Variants in USP47 observed in about 807,000 individuals in gnomAD.
The protein encoded by USP47 is ubiquitin specific peptidase 47.
A neutral mutation model predicts 165.1 loss-of-function variants in USP47; 35 were observed. The observed-to-expected ratio is 0.21, with a 90% CI of 0.16 to 0.28. USP47 has a LOEUF of 0.28. Ranked by LOEUF, USP47 falls within the 10% of genes least tolerant of loss-of-function variation. The pLI is 1.00. For synonymous variants in USP47, 531 were observed against 544.5 expected, an observed-to-expected ratio of 0.98 and a Z score of 0.35; for missense variants, 1,277 against 1,607.4, an observed-to-expected ratio of 0.79 and a Z score of 3.52.
intron 6 of USP47, 38 bp from the exon 7 acceptor site, chr11:11,903,225 T>C: frequency 1.3e-6 from 2 of 1,580,704 alleles, no homozygotes; most frequent in Non-Finnish European, 1.7e-6. Context: ...TTACATAAAG[T>C]TTATAGCTAT....
chr11:11,909,699 A>G (rs1852824716), intron 8 of USP47, among the ~76,000 whole-genome samples: 1 of 152,292 alleles, frequency 6.6e-6, no homozygotes. Context: ...CCTGTTTATT[A>G]TGACAAAAAC....
Position 11,877,832 on chromosome 11 carries a change from TGTGTGTGTGTGTGTGTGTGTGTGTGTGC to T in USP47, c.40-2343_40-2316del, listed in dbSNP as rs1376776487. Among the ~76,000 whole-genome samples the T allele has an allele frequency of 5.5e-4, 49 of 88,502 alleles. 1 individual carries two copies. The highest frequency in any genetic ancestry group is 1.2e-3 in the Admixed American group (9 of 7,716). The allele number at this position is 88,502 out of a possible 152,430, so 58.1% of individuals were successfully genotyped here. A position where few individuals can be genotyped will look rare whatever the true frequency, so the allele number is the denominator to read the frequency against. On this transcript the variant is annotated intron_variant, in intron 1 of 27. Coordinates refer to ENST00000527733, the MANE Select transcript of USP47 (RefSeq NM_001282659.2). ...GTGTGTGTGTGTGTGTGTGTGTGTG[TGTGTGTGTGTGTGTGTGTGTGTGTGTGC>T]GCGCGCGCAGATAAGATATTTGGAA...
At chr11:11,891,227 T>C (rs1851491020) in intron 3 of USP47, among the ~76,000 whole-genome samples, 1 of 152,248 alleles carries the variant, frequency 6.6e-6, no homozygotes, top group African/African-American at 2.4e-5. Flanking sequence ...CCTCACTCTT[T>C]TACAGGCTGA....
chr11:11,942,777 A>C lies in USP47; in HGVS notation c.2756A>C (p.Gln919Pro), dbSNP rs2134789005. 1.2e-6 allele frequency: 2 copies of C among 1,613,618 alleles called. No individual in the cohort carries two copies. The highest frequency in any genetic ancestry group is 1.7e-6 in the Non-Finnish European group (2 of 1,179,736). Residue 919 changes from glutamine (Q) to proline (P), a missense_variant, in exon 20 of 28, where the codon CAG becomes CCG. Physicochemically the swap from Gln to Pro is moderately conservative, Grantham distance 76. Around this residue, in one of 4 missense-constraint regions of USP47, gnomAD observed 909 missense variants for 1,068.1 expected, o/e 0.85. Transcript: ENST00000527733. ...CAGACTTCTGATCCAGAAAATTTTC[A>C]GTCTGAAGAACGATCAGACTCAGAT... ...HIQTSDPENF[Q>P]SEERSDSDVN...
chr11:11,957,719 T>C lies in USP47; in HGVS notation c.*1544T>C, dbSNP rs1029840360. 3.7e-4 allele frequency: 57 copies of C among 152,510 alleles called. No homozygotes were observed. Among genetic ancestry groups the C allele is most frequent in the African/African-American group, 1.3e-3 (56 of 41,558 alleles). The allele number at this position is 152,510 out of a possible 1,614,324, so 9.4% of individuals were successfully genotyped here. ...TGGGGAACCCTGTCAGTATTTCAGA[T>C]CCGATTTTTACCCTTTTTTTCTTAT... On this transcript the variant is annotated 3_prime_UTR_variant, in exon 28 of 28. Coordinates refer to ENST00000527733, the MANE Select transcript of USP47 (RefSeq NM_001282659.2).
rs1378829040 is a variant in USP47 at position 11,959,065 on chromosome 11, G to T, written c.*2890G>T. The T allele has an allele frequency of 6.6e-6, 1 of 152,194 alleles. No homozygotes were observed. The highest frequency in any genetic ancestry group is 1.9e-4 in the East Asian group (1 of 5,198). The allele number at this position is 152,194 out of a possible 1,614,324, so 9.4% of individuals were successfully genotyped here. A position where few individuals can be genotyped will look rare whatever the true frequency, so the allele number is the denominator to read the frequency against. ...ACACTGTGGTTTAAGCTAAATGACC[G>T]CACAGCATCATAGCATTGCAGTGTT... On this transcript the variant is annotated 3_prime_UTR_variant, in exon 28 of 28. Transcript: ENST00000527733.
rs138580740 is a variant in USP47 at position 11,852,146 on chromosome 11, T to A, written c.39+9922T>A. On this transcript the variant is annotated intron_variant, in intron 1 of 27. Transcript: ENST00000527733. The stretch of plus-strand genomic sequence containing the variant: ...ACCATGCAGATAACCTATTTCCCCC[T>A]AAATTTCTGCCCACTAATTTTATCA... Among the ~76,000 whole-genome samples the A allele has an allele frequency of 3.9e-3, 595 of 152,340 alleles. 10 individuals are homozygous for A. The highest frequency in any genetic ancestry group is 0.014 in the African/African-American group (562 of 41,572).
At chr11:11,896,479 T>A (rs75262522) in intron 4 of USP47, among the ~76,000 whole-genome samples, 19,688 of 152,164 alleles carry the variant, frequency 0.13, 1,892 homozygotes, top group Admixed American at 0.31. Context: ...CCTGGACAAA[T>A]TGCTGTTGTT....
intron 22 of USP47, chr11:11,948,832 C>A: frequency 3.2e-6 from 1 of 317,276 alleles, no homozygotes; most frequent in East Asian, 5.5e-5. Flanking sequence ...GCCCTCAGGC[C>A]ACTGTTTGTC....
intron 1 of USP47, among the ~76,000 whole-genome samples, chr11:11,859,736 A>G (rs1849265494): frequency 6.6e-6 from 1 of 152,178 alleles, no homozygotes; most frequent in Non-Finnish European, 1.5e-5. Flanking sequence ...TAGTTCTCTA[A>G]TAATAACTTA....
At chr11:11,888,111 A>G (rs1405301030) in intron 3 of USP47, among the ~76,000 whole-genome samples, 1 of 152,270 alleles carries the variant, frequency 6.6e-6, no homozygotes, top group East Asian at 1.9e-4. Flanking sequence ...TCAAAAAGCT[A>G]GGAAGATGTC....
intron 18 of USP47, among the ~76,000 whole-genome samples, chr11:11,939,442 T>G (rs920882481): frequency 6.6e-6 from 1 of 152,020 alleles, no homozygotes; most frequent in Non-Finnish European, 1.5e-5. Context: ...TAAGGCATTA[T>G]GTAAGAGTTG....
rs560702568 is a variant in USP47 at position 11,869,602 on chromosome 11, A to G, written c.40-10575A>G. Among the ~76,000 whole-genome samples the G allele has an allele frequency of 7.9e-5, 12 of 152,206 alleles. 1 individual carries two copies. In the South Asian group the frequency reaches 2.3e-3, roughly 29 times the overall value. On this transcript the variant is annotated intron_variant, in intron 1 of 27. Coordinates refer to ENST00000527733, the MANE Select transcript of USP47 (RefSeq NM_001282659.2). ...CTGATTCCTTTGCCTTTCCCTATAA[A>G]TTTCAGGATAATCATCAAAATTTTC...
At chr11:11,874,805 C>CG (rs1295751612) in intron 1 of USP47, among the ~76,000 whole-genome samples, 5 of 152,126 alleles carry the variant, frequency 3.3e-5, no homozygotes, top group Non-Finnish European at 5.9e-5. Flanking sequence ...GTGATCCACT[C>CG]ACCTTGGCCT....
Position 11,961,143 on chromosome 11 carries a change from A to G in USP47, c.*4968A>G, listed in dbSNP as rs1847436882. On this transcript the variant is annotated 3_prime_UTR_variant, in exon 28 of 28. Coordinates refer to ENST00000527733, the MANE Select transcript of USP47 (RefSeq NM_001282659.2). ...CCTCCTCAATGTCAAGGACTCAAAGACTCTTTCTGTGGTAGGGCCACATCC... is the reference window on the plus strand; with the variant it reads ...CCTCCTCAATGTCAAGGACTCAAAGGCTCTTTCTGTGGTAGGGCCACATCC... Among the ~76,000 whole-genome samples, 1 of 151,904 alleles carries G rather than the reference A, an allele frequency of 6.6e-6. No homozygotes were observed. The highest frequency in any genetic ancestry group is 1.5e-5 in the Non-Finnish European group (1 of 67,994).
chr11:11,842,740 G>T (rs1590207778), intron 1 of USP47, among the ~76,000 whole-genome samples: 1 of 151,908 alleles, frequency 6.6e-6, no homozygotes, highest in Admixed American at 6.6e-5. Flanking sequence ...CTATTGGCCT[G>T]CCTAAATGGG....
At chr11:11,943,383 T>G (rs1855617990) in intron 20 of USP47, 5 of 233,714 alleles carry the variant, frequency 2.1e-5, no homozygotes, top group Non-Finnish European at 3.3e-5. Flanking sequence ...AGTAAAAAAT[T>G]AGGGAATATA....
At chr11:11,927,383 T>C (rs1854328087) in intron 11 of USP47, among the ~76,000 whole-genome samples, 1 of 152,098 alleles carries the variant, frequency 6.6e-6, no homozygotes, top group Non-Finnish European at 1.5e-5. Context: ...GTGTTACCAG[T>C]TTTTGTAAAT....
intron 13 of USP47, 112 bp downstream of exon 13, chr11:11,930,232 G>A: frequency 1.1e-6 from 1 of 931,444 alleles, no homozygotes. Context: ...CAACCCATGA[G>A]CCAAATCCAA....
Sources: allele counts gnomAD v4.1 joint callset (sites outside exome capture counted in the v4.1 genomes callset), GRCh38; gene constraint gnomAD v4.1.1; regional missense constraint gnomAD v4.1.1; transcripts MANE v1.5; gene names NCBI Gene and HGNC (gene_info 2026-07-23, HGNC 2026-07-21).